ADGRB3: variants seen among roughly 807,000 people sequenced by gnomAD.
The protein encoded by ADGRB3 is brain-specific angiogenesis inhibitor 3.
In ADGRB3, 37 loss-of-function variants were observed where a neutral mutation model predicts 193.4. That is an observed-to-expected ratio of 0.19 (90% CI 0.15 to 0.25). ADGRB3 has a LOEUF of 0.25. Among genes scored for constraint, ADGRB3 ranks in the 10% least tolerant of loss-of-function variants. The pLI, the probability that ADGRB3 is intolerant of heterozygous loss-of-function variation, is 1.00. For synonymous variants in ADGRB3, 690 were observed against 644.2 expected, an observed-to-expected ratio of 1.07 and a Z score of -1.08; for missense variants, 1,637 against 1,852.9, an observed-to-expected ratio of 0.88 and a Z score of 2.14.
chr6:68,825,955 C>T (rs1224846514), intron 3 of ADGRB3, among the ~76,000 whole-genome samples: 2 of 152,004 alleles, frequency 1.3e-5, no homozygotes, highest in Admixed American at 1.3e-4. Context: ...CTTCTTAGGA[C>T]CTAACTATCC....
chr6:68,801,509 G>A (rs957990621), intron 3 of ADGRB3, among the ~76,000 whole-genome samples: 4 of 151,840 alleles, frequency 2.6e-5, no homozygotes, highest in Admixed American at 2.0e-4. Flanking sequence ...TCAACATAGC[G>A]AAACCCCATC....
At chr6:69,158,638 A>G (rs1774908388) in intron 17 of ADGRB3, among the ~76,000 whole-genome samples, 1 of 152,116 alleles carries the variant, frequency 6.6e-6, no homozygotes, top group South Asian at 2.1e-4. Flanking sequence ...AATACTACTC[A>G]TTACAGGATA....
Position 68,737,206 on chromosome 6 carries a change from T to C in ADGRB3, c.757+97774T>C, listed in dbSNP as rs564622419. 5.9e-5 allele frequency among the ~76,000 whole-genome samples: 9 copies of C among 152,264 alleles called. No homozygotes were observed. In the South Asian group the frequency reaches 1.7e-3, roughly 28 times the overall value. On this transcript the variant is annotated intron_variant, in intron 3 of 31. Coordinates refer to ENST00000370598, the MANE Select transcript of ADGRB3 (RefSeq NM_001704.3). ...ACTGTATTAAGAGTTATGAATCAAG[T>C]ATAAGAATTGTATCAAATAATTGTC...
chr6:68,771,282 T>C (rs1260956918), intron 3 of ADGRB3, among the ~76,000 whole-genome samples: 1 of 151,834 alleles, frequency 6.6e-6, no homozygotes, highest in Non-Finnish European at 1.5e-5. Flanking sequence ...GGAACAATAA[T>C]AAAAATTGAA....
rs759050907 is a variant in ADGRB3, at chr6:69,330,536, C to G, written c.3066C>G (p.Leu1022=). The G allele has an allele frequency of 5.6e-6, 9 of 1,608,444 alleles. No homozygotes were observed. Among genetic ancestry groups the G allele is most frequent in the Admixed American group, 5.0e-5 (3 of 59,734 alleles). ...YCWLSLEGGL[L]YAFVGPAAAV... ...GGCTCTCTCTTGAAGGAGGACTACTCTATGCTTTTGTGGGACCTGCAGCCG... is the reference window on the plus strand; with the variant it reads ...GGCTCTCTCTTGAAGGAGGACTACTGTATGCTTTTGTGGGACCTGCAGCCG... Residue 1022 remains leucine (L), a synonymous_variant, in exon 23 of 32, where the codon CTC becomes CTG. Coordinates refer to ENST00000370598, the MANE Select transcript of ADGRB3 (RefSeq NM_001704.3).
intron 17 of ADGRB3, among the ~76,000 whole-genome samples, chr6:69,168,416 A>G (rs539854093): frequency 2.6e-5 from 4 of 152,312 alleles, no homozygotes; most frequent in East Asian, 1.9e-4. Flanking sequence ...GTAAGGTCAT[A>G]CTAATTACCT....
intron 13 of ADGRB3, among the ~76,000 whole-genome samples, chr6:69,028,514 T>A (rs1354868407): frequency 6.6e-6 from 1 of 152,172 alleles, no homozygotes; most frequent in Non-Finnish European, 1.5e-5. Context: ...AAAACACTGA[T>A]CATGTTATGA....
intron 8 of ADGRB3, among the ~76,000 whole-genome samples, chr6:68,957,356 T>C (rs1768104078): frequency 6.6e-6 from 1 of 152,208 alleles, no homozygotes; most frequent in Non-Finnish European, 1.5e-5. Flanking sequence ...GCACATATTT[T>C]ACAGGATCAT....
intron 3 of ADGRB3, among the ~76,000 whole-genome samples, chr6:68,745,713 T>C (rs1766070155): frequency 6.6e-6 from 1 of 151,810 alleles, no homozygotes; most frequent in Non-Finnish European, 1.5e-5. Context: ...AATATGTATA[T>C]TTGTATATTT....
At chr6:69,375,137 G>A (rs954995256) in intron 30 of ADGRB3, among the ~76,000 whole-genome samples, 5 of 152,170 alleles carry the variant, frequency 3.3e-5, no homozygotes, top group Non-Finnish European at 7.4e-5. Flanking sequence ...GTCCAGGAGG[G>A]ATTTTTATTT....
chr6:68,731,106 A>G (rs1427938734), intron 3 of ADGRB3, among the ~76,000 whole-genome samples: 2 of 151,824 alleles, frequency 1.3e-5, no homozygotes, highest in Non-Finnish European at 1.5e-5. Flanking sequence ...CAAAAGATAT[A>G]TAAGTTCTTT....
chr6:68,680,749 A>T (rs1227895427), intron 3 of ADGRB3, among the ~76,000 whole-genome samples: 1 of 152,214 alleles, frequency 6.6e-6, no homozygotes, highest in Non-Finnish European at 1.5e-5. Flanking sequence ...ATACACATGT[A>T]TATAAAATAG....
chr6:69,142,338 G>T (rs1774363982), intron 17 of ADGRB3, among the ~76,000 whole-genome samples: 1 of 152,202 alleles, frequency 6.6e-6, no homozygotes, highest in Admixed American at 6.5e-5. Context: ...GGTCCTCTGT[G>T]ATTTGCATAA....
chr6:68,837,066 G>T lies in ADGRB3; in HGVS notation c.758-93493G>T, dbSNP rs557817331. ...GTCTAACCTCTAGCCCTCTCAATGGGCTCTGTCCTACTCAAATATTTTTGA... is the reference window on the plus strand; with the variant it reads ...GTCTAACCTCTAGCCCTCTCAATGGTCTCTGTCCTACTCAAATATTTTTGA... On this transcript the variant is annotated intron_variant, in intron 3 of 31. Coordinates refer to ENST00000370598, the MANE Select transcript of ADGRB3 (RefSeq NM_001704.3). Among the ~76,000 whole-genome samples, 340 of 152,082 alleles carry T rather than the reference G, an allele frequency of 2.2e-3. 3 individuals are homozygous for T. Among genetic ancestry groups the T allele is most frequent in the African/African-American group, 7.7e-3 (319 of 41,490 alleles).
rs549464858 is a variant in ADGRB3 at position 69,323,183 on chromosome 6, G to A, written c.2815-1689G>A. On this transcript the variant is annotated intron_variant, in intron 20 of 31. Coordinates refer to ENST00000370598, the MANE Select transcript of ADGRB3 (RefSeq NM_001704.3). ...AGTTTGGTATAACTCTTTATTGACA[G>A]TTTAAAAATAGAGATGGACTAGCTT... 3.3e-5 allele frequency among the ~76,000 whole-genome samples: 5 copies of A among 152,090 alleles called. No homozygotes were observed. The South Asian group carries it at 1.0e-3, about 32-fold the overall frequency.
At chr6:68,781,430 T>C (rs1002929426) in intron 3 of ADGRB3, among the ~76,000 whole-genome samples, 3 of 152,270 alleles carry the variant, frequency 2.0e-5, no homozygotes, top group East Asian at 1.9e-4. Context: ...TAATAATTTA[T>C]AGTTTCAAAA....
At chr6:69,232,403 A>T in intron 17 of ADGRB3, 1 of 1,443,408 alleles carries the variant, frequency 6.9e-7, no homozygotes, top group Non-Finnish European at 9.1e-7. Flanking sequence ...TGGGAAATAA[A>T]CCATATGCTT....
intron 3 of ADGRB3, among the ~76,000 whole-genome samples, chr6:68,924,305 C>T (rs60125111): frequency 0.029 from 4,473 of 151,918 alleles, 189 homozygotes; most frequent in African/African-American, 0.1. Context: ...GGATGGCAAA[C>T]AGAATAAATA....
chr6:68,917,788 T>TTTA (rs1766924248), intron 3 of ADGRB3, among the ~76,000 whole-genome samples: 1 of 152,150 alleles, frequency 6.6e-6, no homozygotes, highest in Admixed American at 6.5e-5. Context: ...TCAATATGCC[T>TTTA]CTTAAAAAAT....
Sources: allele counts gnomAD v4.1 joint callset (sites outside exome capture counted in the v4.1 genomes callset), GRCh38; gene constraint gnomAD v4.1.1; transcripts MANE v1.5; gene names NCBI Gene and HGNC (gene_info 2026-07-23, HGNC 2026-07-21).